The following ZCWPW2 variants were observed in gnomAD, a reference collection of about 807,000 sequenced individuals.
ZCWPW2 encodes zinc finger CW-type and PWWP domain containing 2.
In ZCWPW2, 45 loss-of-function variants were observed where a neutral mutation model predicts 46.6. The observed-to-expected ratio is 0.96, with a 90% CI of 0.76 to 1.24. The LOEUF (loss-of-function observed/expected upper bound fraction) is 1.24, where lower values mean the gene tolerates loss of function less well. Among genes scored for constraint, ZCWPW2 ranks in the 50% most tolerant of loss-of-function variants. ZCWPW2 has a pLI of 0.00. For missense variants in ZCWPW2, 429 were observed against 403.9 expected (o/e 1.06, Z -0.53); for synonymous variants, 152 against 137.1 (o/e 1.11, Z -0.76).
chr3:28,484,331 C>A (rs1224937494), intron 5 of ZCWPW2, among the ~76,000 whole-genome samples: 1 of 152,098 alleles, frequency 6.6e-6, no homozygotes, highest in Non-Finnish European at 1.5e-5. Flanking sequence ...CTTATATCTT[C>A]TGGAAAAGGT....
chr3:28,430,656 A>G (rs1575124621), intron 3 of ZCWPW2, among the ~76,000 whole-genome samples: 1 of 152,120 alleles, frequency 6.6e-6, no homozygotes, highest in South Asian at 2.1e-4. Context: ...CTTGAATTGT[A>G]ATCTGAATTG....
intron 4 of ZCWPW2, among the ~76,000 whole-genome samples, chr3:28,470,509 AAAAG>A (rs201489504): frequency 0.025 from 3,738 of 149,324 alleles, 137 homozygotes; most frequent in African/African-American, 0.081. Flanking sequence ...AAAAAAAAAA[AAAAG>A]GAAGGAAATT....
At chr3:28,511,867 C>T (rs1290149530) in intron 6 of ZCWPW2, among the ~76,000 whole-genome samples, 2 of 152,108 alleles carry the variant, frequency 1.3e-5, no homozygotes, top group African/African-American at 4.8e-5. Flanking sequence ...TGTAGTAGCT[C>T]TTTCAGCAAA....
At chr3:28,491,320 T>C (rs548533762) in intron 5 of ZCWPW2, among the ~76,000 whole-genome samples, 139 of 152,264 alleles carry the variant, frequency 9.1e-4, no homozygotes, top group African/African-American at 3.2e-3. Flanking sequence ...TGAGTTTCTA[T>C]ATTTTATGAC....
intron 1 of ZCWPW2, among the ~76,000 whole-genome samples, chr3:28,349,503 A>G (rs1314593586): frequency 1.3e-5 from 2 of 152,198 alleles, no homozygotes; most frequent in Non-Finnish European, 2.9e-5. Flanking sequence ...CACAAACGAC[A>G]CCACGACTTC....
intron 4 of ZCWPW2, among the ~76,000 whole-genome samples, chr3:28,446,039 A>G (rs1697978041): frequency 6.6e-6 from 1 of 152,166 alleles, no homozygotes; most frequent in African/African-American, 2.4e-5. Flanking sequence ...AAAATCTTCC[A>G]CAACTGAAGG....
chr3:28,442,000 C>T (rs1697778710), intron 4 of ZCWPW2, among the ~76,000 whole-genome samples: 1 of 152,198 alleles, frequency 6.6e-6, no homozygotes, highest in African/African-American at 2.4e-5. Flanking sequence ...TCCTTATCTG[C>T]CACTGACACT....
intron 1 of ZCWPW2, among the ~76,000 whole-genome samples, chr3:28,385,608 C>T (rs1431748496): frequency 2.0e-5 from 3 of 152,138 alleles, no homozygotes; most frequent in Non-Finnish European, 4.4e-5. Flanking sequence ...CCTTCTCTGG[C>T]ATGATAAGGG....
intron 4 of ZCWPW2, chr3:28,447,836 G>A (rs1698057528): frequency 2.9e-6 from 3 of 1,046,502 alleles, no homozygotes; most frequent in African/African-American, 3.2e-5. Context: ...TACAAAGAAG[G>A]TTGGGAAAGC....
At chr3:28,437,600 G>T (rs576344918) in intron 4 of ZCWPW2, among the ~76,000 whole-genome samples, 7 of 152,096 alleles carry the variant, frequency 4.6e-5, no homozygotes, top group Non-Finnish European at 8.8e-5. Flanking sequence ...GAGCACAACA[G>T]TACTCAGTCA....
At chr3:28,482,500 T>A (rs918688684) in intron 5 of ZCWPW2, among the ~76,000 whole-genome samples, 8 of 151,088 alleles carry the variant, frequency 5.3e-5, no homozygotes, top group African/African-American at 1.9e-4. Flanking sequence ...GTTTTCAACT[T>A]CTTTTGATAA....
chr3:28,412,587 T>C (rs1473432065), intron 2 of ZCWPW2, among the ~76,000 whole-genome samples: 1 of 152,026 alleles, frequency 6.6e-6, no homozygotes, highest in African/African-American at 2.4e-5. Flanking sequence ...GACAAATTGC[T>C]TTACATTTCT....
intron 3 of ZCWPW2, among the ~76,000 whole-genome samples, chr3:28,433,614 G>T (rs1697358473): frequency 6.6e-6 from 1 of 151,936 alleles, no homozygotes; most frequent in Non-Finnish European, 1.5e-5. Context: ...TAATTAGCCA[G>T]GCATGGTGGC....
chr3:28,365,440 A>G (rs1266340024), intron 1 of ZCWPW2, among the ~76,000 whole-genome samples: 4 of 141,118 alleles, frequency 2.8e-5, no homozygotes, highest in African/African-American at 7.6e-5. Context: ...CAGGTTTGTC[A>G]AAGATCATAT....
At chr3:28,432,692 T>G (rs1384619922) in intron 3 of ZCWPW2, among the ~76,000 whole-genome samples, 1 of 152,186 alleles carries the variant, frequency 6.6e-6, no homozygotes, top group African/African-American at 2.4e-5. Context: ...AATTTTGATT[T>G]TAGAGTTGTA....
chr3:28,496,295 G>A (rs763353020), intron 6 of ZCWPW2, among the ~76,000 whole-genome samples: 5 of 152,008 alleles, frequency 3.3e-5, no homozygotes, highest in Non-Finnish European at 7.4e-5. Flanking sequence ...TACATGAAAT[G>A]CATTGATTTC....
intron 5 of ZCWPW2, among the ~76,000 whole-genome samples, chr3:28,491,636 A>G (rs1283612782): frequency 6.6e-6 from 1 of 152,084 alleles, no homozygotes; most frequent in Admixed American, 6.6e-5. Context: ...GCATGACCTC[A>G]GGCAGGGTAC....
intron 9 of ZCWPW2, among the ~76,000 whole-genome samples, chr3:28,523,040 G>GA (rs1344594718): frequency 1.3e-5 from 2 of 152,170 alleles, no homozygotes; most frequent in African/African-American, 4.8e-5. Context: ...GTAGTAACTT[G>GA]ATAGAACAGA....
intron 4 of ZCWPW2, among the ~76,000 whole-genome samples, chr3:28,446,828 A>T (rs1698010829): frequency 6.6e-6 from 1 of 152,134 alleles, no homozygotes; most frequent in Non-Finnish European, 1.5e-5. Flanking sequence ...GAAATAAAGC[A>T]GGGACATTAC....
Sources: allele counts gnomAD v4.1 joint callset (sites outside exome capture counted in the v4.1 genomes callset), GRCh38; gene constraint gnomAD v4.1.1; transcripts MANE v1.5; gene names NCBI Gene and HGNC (gene_info 2026-07-23, HGNC 2026-07-21).